The following TRIM25 variants were observed in gnomAD, a reference collection of about 807,000 sequenced individuals.
TRIM25 encodes the protein E3 ubiquitin/ISG15 ligase TRIM25.
Under a neutral mutation model 65.2 loss-of-function variants are expected in TRIM25, and 45 were observed. That is an observed-to-expected ratio of 0.69 (90% CI 0.54 to 0.89). TRIM25 has a LOEUF of 0.89. Ranked by LOEUF, TRIM25 falls within the 40% of genes least tolerant of loss-of-function variation. TRIM25 has a pLI of 0.00. For missense variants in TRIM25, 714 were observed against 803.7 expected (o/e 0.89, Z 1.35); for synonymous variants, 321 against 340.4 (o/e 0.94, Z 0.63).
At chr17:56,899,848 G>A (rs1909375054) in intron 4 of TRIM25, among the ~76,000 whole-genome samples, 2 of 152,204 alleles carry the variant, frequency 1.3e-5, no homozygotes, top group South Asian at 4.1e-4. Flanking sequence ...GGGAGGCCAA[G>A]GCAGGAGCAT....
chr17:56,902,400 G>C (rs1909430734), intron 3 of TRIM25, among the ~76,000 whole-genome samples: 1 of 152,170 alleles, frequency 6.6e-6, no homozygotes, highest in African/African-American at 2.4e-5. Flanking sequence ...TAAGAGATGG[G>C]CTTACAGTCA....
intron 3 of TRIM25, among the ~76,000 whole-genome samples, chr17:56,902,532 C>T (rs1295257126): frequency 2.0e-5 from 3 of 152,146 alleles, no homozygotes; most frequent in Non-Finnish European, 2.9e-5. Flanking sequence ...TGGAAGGATA[C>T]GACTCACTAG....
chr17:56,898,896 G>A, intron 5 of TRIM25: 1 of 554,440 alleles, frequency 1.8e-6, no homozygotes, highest in Non-Finnish European at 3.2e-6. Context: ...CCAGCCTCAG[G>A]CATCTTGCTG....
rs1909412357 is a variant in TRIM25, at chr17:56,901,533, G to A, written c.973C>T (p.Pro325Ser). 6.2e-7 allele frequency: 1 copy of A among 1,614,016 alleles called. No homozygotes were observed. Among genetic ancestry groups the A allele is most frequent in the Non-Finnish European group, 8.5e-7 (1 of 1,180,048 alleles). ...RGISTKPVYI[P>S]EVELNHKLIK... ...AGCTTGTGGTTCAGTTCCACCTCGG[G>A]GATGTAGACTGGCTTTGTTGAGATT... The change falls in exon 4 of 9, where the codon CCC becomes TCC. Residue 325 changes from proline (P) to serine (S), a missense_variant. Pro to Ser is a moderately conservative substitution (Grantham distance 74, BLOSUM62 -1). Transcript: ENST00000316881.
chr17:56,901,381 G>T (rs369796511), intron 4 of TRIM25, 38 bp downstream of exon 4: 1 of 1,602,226 alleles, frequency 6.2e-7, no homozygotes, highest in South Asian at 1.1e-5. Context: ...GGGTTGCAGG[G>T]TTCCACAGGG....
intron 3 of TRIM25, 64 bp from the exon 4 acceptor site, chr17:56,901,642 C>T (rs1301209202): frequency 5.6e-6 from 9 of 1,595,846 alleles, no homozygotes; most frequent in African/African-American, 2.7e-5. Flanking sequence ...GCTCAGTCCT[C>T]ACCAACCCCA....
At chr17:56,909,832 A>G (rs2144363499) in intron 1 of TRIM25, among the ~76,000 whole-genome samples, 1 of 152,306 alleles carries the variant, frequency 6.6e-6, no homozygotes, top group South Asian at 2.1e-4. Flanking sequence ...TTTCATAATC[A>G]ATATCTGAGT....
At chr17:56,904,659 T>C (rs541172940) in intron 2 of TRIM25, among the ~76,000 whole-genome samples, 171 bp from the exon 3 acceptor site, 35 of 152,186 alleles carry the variant, frequency 2.3e-4, no homozygotes, top group Non-Finnish European at 2.9e-4. Context: ...GAGGTGCTCA[T>C]AGGCTATGAC....
rs368271026 is a variant in TRIM25, at chr17:56,908,569, G to A, written c.598-6C>T. On this transcript the variant is annotated splice_polypyrimidine_tract_variant and splice_region_variant and intron_variant, in intron 1 of 8. Coordinates refer to ENST00000316881, the MANE Select transcript of TRIM25 (RefSeq NM_005082.5). ...AGTTTGTGCCTCAGGGTGGCCTGCA[G>A]GGAAAACAAATGAGGTTGAGAATGC... 7.1e-5 allele frequency: 115 copies of A among 1,613,172 alleles called. No individual in the cohort carries two copies. The highest frequency in any genetic ancestry group is 9.0e-5 in the Non-Finnish European group (106 of 1,179,992).
chr17:56,899,913 C>T (rs906984696), intron 4 of TRIM25, among the ~76,000 whole-genome samples: 1 of 152,162 alleles, frequency 6.6e-6, no homozygotes, highest in Non-Finnish European at 1.5e-5. Flanking sequence ...GACCCTGGCT[C>T]TACAAAAAAA....
chr17:56,910,168 A>C (rs1434970582), intron 1 of TRIM25, among the ~76,000 whole-genome samples: 1 of 152,052 alleles, frequency 6.6e-6, no homozygotes, highest in Non-Finnish European at 1.5e-5. Flanking sequence ...AGAAAAAAAA[A>C]ATTTCCTTCC....
rs527836718 is a variant in TRIM25 at position 56,889,837 on chromosome 17, A to T, written c.*1863T>A. On this transcript the variant is annotated 3_prime_UTR_variant, in exon 9 of 9. Transcript: ENST00000316881. ...TTTTGATCATCTTCAAAAGCAGAGA[A>T]GAATCACCAAAGAACTTTTCTTCCA... 5.8e-5 allele frequency: 23 copies of T among 398,548 alleles called. No homozygotes were observed. Among genetic ancestry groups the T allele is most frequent in the Non-Finnish European group, 8.4e-5 (19 of 226,080 alleles). The allele number at this position is 398,548 out of a possible 1,614,324, so 24.7% of individuals were successfully genotyped here.
chr17:56,913,008 T>C lies in TRIM25; in HGVS notation c.597+384A>G, dbSNP rs114343661. ...TAGCGAGCCTGTGGTCCCAGCTACT[T>C]GGGAGGCTGTGGTCCCAGCTACTCT... On this transcript the variant is annotated intron_variant, in intron 1 of 8. Transcript: ENST00000316881. This position sits in a 1 kb window ranked among gnomAD's most constrained non-coding sequence, Gnocchi z 6.1. 0.022 allele frequency: 3,578 copies of C among 164,548 alleles called. 149 individuals are homozygous for C. Among genetic ancestry groups the C allele is most frequent in the African/African-American group, 0.081 (3,388 of 42,020 alleles). 10.2% of individuals were successfully genotyped at this position (164,548 alleles called of 1,614,324 possible). A position where few individuals can be genotyped will look rare whatever the true frequency, so the allele number is the denominator to read the frequency against.
chr17:56,904,563 G>A (rs905088998), intron 2 of TRIM25, 75 bp from the exon 3 acceptor site: 5 of 1,352,718 alleles, frequency 3.7e-6, no homozygotes, highest in Non-Finnish European at 5.2e-6. Context: ...GCATGGGTGA[G>A]ATGTGGAGTT....
chr17:56,913,932 G>A lies in TRIM25; in HGVS notation c.57C>T (p.Pro19=), dbSNP rs746349621. ...EELSCSICLE[P]FKEPVTTPCG... is the part of the protein sequence containing the mutation. ...ACGGAGTGGTGACCGGCTCCTTGAA[G>A]GGCTCCAGGCAGATGGAGCACGACA... Residue 19 remains proline, a synonymous_variant, in exon 1 of 9, where the codon CCC becomes CCT. Coordinates refer to ENST00000316881, the MANE Select transcript of TRIM25 (RefSeq NM_005082.5). The surrounding 1 kb of genome is among the most constrained non-coding windows in gnomAD (Gnocchi z 6.1). The A allele has an allele frequency of 9.5e-6, 15 of 1,586,232 alleles. No individual in the cohort carries two copies. Among genetic ancestry groups the A allele is most frequent in the Non-Finnish European group, 1.3e-5 (15 of 1,167,182 alleles).
At chr17:56,895,709 GACA>G (rs1289107955) in intron 6 of TRIM25, 105 bp from the exon 7 acceptor site, 1 of 1,295,376 alleles carries the variant, frequency 7.7e-7, no homozygotes, top group Admixed American at 2.4e-5. Flanking sequence ...TGAACAGCAG[GACA>G]ACACAGGGGA....
intron 8 of TRIM25, among the ~76,000 whole-genome samples, 183 bp from the exon 9 acceptor site, chr17:56,892,412 T>C (rs911622665): frequency 1.3e-5 from 2 of 152,230 alleles, no homozygotes; most frequent in Admixed American, 6.5e-5. Flanking sequence ...TGTCTATCCA[T>C]GTATCCATCA....
chr17:56,897,581 G>C (rs1909319397), intron 5 of TRIM25, among the ~76,000 whole-genome samples: 1 of 152,022 alleles, frequency 6.6e-6, no homozygotes, highest in African/African-American at 2.4e-5. Context: ...CCTACCCTTA[G>C]ACATCTCTCT....
intron 2 of TRIM25, among the ~76,000 whole-genome samples, chr17:56,907,148 G>A (rs1373959145): frequency 6.6e-6 from 1 of 152,200 alleles, no homozygotes; most frequent in Admixed American, 6.5e-5. Context: ...TGGAATAGTA[G>A]GGTAATAAGA....
Sources: gnomAD v4.1 joint callset for allele counts (sites outside exome capture counted in the v4.1 genomes callset) on GRCh38, gnomAD v4.1.1 for gene constraint, Gnocchi (gnomAD v3.1) non-coding constraint, MANE v1.5 for transcripts, NCBI Gene and HGNC (gene_info 2026-07-23, HGNC 2026-07-21) for gene names.